MYO16: variants seen among roughly 807,000 people sequenced by gnomAD.
MYO16 encodes the protein unconventional myosin-XVI.
MYO16 carries 94 observed loss-of-function variants against 205.3 expected under a neutral mutation model. That is an observed-to-expected ratio of 0.46 (90% CI 0.39 to 0.54). The LOEUF (loss-of-function observed/expected upper bound fraction) is 0.54. Among genes scored for constraint, MYO16 ranks in the 20% least tolerant of loss-of-function variants. MYO16 has a pLI of 0.00. For synonymous variants in MYO16, 988 were observed against 954.0 expected (o/e 1.04, Z -0.66); for missense variants, 2,315 against 2,387.5 (o/e 0.97, Z 0.63).
the MYO16 span, among the ~76,000 whole-genome samples, chr13:108,543,350 A>T: frequency 1.0e-3 from 153 of 152,350 alleles, 4 homozygotes; most frequent in South Asian, 0.029. Flanking sequence ...TATTTTGGTA[A>T]AAAAGAATCC....
At chr13:108,593,640 G>A (rs368868332), upstream of MYO16, among the ~76,000 whole-genome samples, 4 of 152,306 alleles carry the variant, frequency 2.6e-5, no homozygotes, top group East Asian at 7.7e-4. Flanking sequence ...GACATGAACA[G>A]GTGTGACTAG....
At chr13:108,560,411 A>T in the MYO16 span, among the ~76,000 whole-genome samples, 12 of 152,248 alleles carry the variant, frequency 7.9e-5, no homozygotes, top group Non-Finnish European at 1.3e-4. Context: ...TGTCAAGATA[A>T]AATTTCTGGT....
At chr13:108,929,654 G>A (rs899628406) in intron 16 of MYO16, among the ~76,000 whole-genome samples, 30 of 152,256 alleles carry the variant, frequency 2.0e-4, no homozygotes, top group African/African-American at 7.0e-4. Context: ...CCTAGTGGGT[G>A]GAGTCAAATT....
chr13:109,109,220 C>T (rs898347389), intron 28 of MYO16, among the ~76,000 whole-genome samples: 20 of 152,026 alleles, frequency 1.3e-4, no homozygotes, highest in African/African-American at 3.9e-4. Context: ...TTTAGTCATT[C>T]GATAAGCATT....
intron 21 of MYO16, among the ~76,000 whole-genome samples, chr13:108,995,357 T>C (rs1218568943): frequency 6.6e-6 from 1 of 152,188 alleles, no homozygotes; most frequent in Non-Finnish European, 1.5e-5. Context: ...CCCCACCTTC[T>C]AATCCCATCA....
intron 15 of MYO16, among the ~76,000 whole-genome samples, chr13:108,901,800 A>G (rs1282481463): frequency 3.9e-5 from 6 of 152,184 alleles, no homozygotes; most frequent in Non-Finnish European, 8.8e-5. Flanking sequence ...AGAGTAATAA[A>G]CTGCTATAAA....
chr13:109,086,617 C>T (rs1210068540), intron 27 of MYO16, among the ~76,000 whole-genome samples: 4 of 152,120 alleles, frequency 2.6e-5, no homozygotes, highest in Non-Finnish European at 4.4e-5. Flanking sequence ...TGTCATGCAT[C>T]TTTTCTTATC....
chr13:108,842,792 G>C (rs1454213025), intron 9 of MYO16, among the ~76,000 whole-genome samples: 2 of 152,076 alleles, frequency 1.3e-5, no homozygotes, highest in Non-Finnish European at 2.9e-5. Flanking sequence ...ATCTCAAAGA[G>C]GTATGTACTG....
At chr13:108,519,796 ATGAATCCT>A in the MYO16 span, among the ~76,000 whole-genome samples, 1 of 152,204 alleles carries the variant, frequency 6.6e-6, no homozygotes, top group Admixed American at 6.5e-5. Flanking sequence ...GTACCCGGGA[ATGAATCCT>A]TTATGTCTTG....
chr13:108,866,075 A>G (rs2139124980), intron 11 of MYO16, 102 bp from the exon 12 acceptor site: 1 of 723,124 alleles, frequency 1.4e-6, no homozygotes, highest in Non-Finnish European at 2.0e-6. Flanking sequence ...ATTTTTTCTT[A>G]TTATTTATAT....
chr13:109,087,581 G>A (rs1888474020), intron 27 of MYO16, among the ~76,000 whole-genome samples: 1 of 152,170 alleles, frequency 6.6e-6, no homozygotes, highest in Non-Finnish European at 1.5e-5. Flanking sequence ...AGGAGGTGGA[G>A]GTTGCAGTGA....
chr13:108,539,092 A>T, the MYO16 span, among the ~76,000 whole-genome samples: 2 of 152,082 alleles, frequency 1.3e-5, no homozygotes, highest in East Asian at 3.9e-4. Context: ...TAAAAAATAG[A>T]CTGCCTGAGT....
chr13:109,098,391 G>A (rs916351606), intron 27 of MYO16, among the ~76,000 whole-genome samples: 43 of 152,124 alleles, frequency 2.8e-4, no homozygotes, highest in East Asian at 1.9e-4. Flanking sequence ...TCTGCATCCC[G>A]CCACTTGCAG....
Position 108,640,349 on chromosome 13 carries a change from G to C in MYO16, c.28+10477G>C, listed in dbSNP as rs566865303. 4.6e-4 allele frequency among the ~76,000 whole-genome samples: 70 copies of C among 152,256 alleles called. 2 individuals are homozygous for C. The South Asian group carries it at 0.015, about 32-fold the overall frequency. ...TGAGGAGGCCATTAGTGATGTAGAC[G>C]TAGAGCAGGGCCAGGGGAGAGGAGG... On this transcript the variant is annotated intron_variant, in intron 1 of 34. Transcript: ENST00000457511.
intron 6 of MYO16, among the ~76,000 whole-genome samples, chr13:108,803,488 G>A (rs1410970223): frequency 6.6e-6 from 1 of 152,124 alleles, no homozygotes; most frequent in Non-Finnish European, 1.5e-5. Flanking sequence ...ATATGAAATG[G>A]GCACAGTGTT....
chr13:109,163,517 ACC>A (rs1878494039), intron 32 of MYO16, among the ~76,000 whole-genome samples: 1 of 11,140 alleles, frequency 9.0e-5, no homozygotes, highest in Non-Finnish European at 1.8e-4. Flanking sequence ...CCTCCCTCCC[ACC>A]TCCCTCCTTC....
chr13:108,955,020 C>T (rs976824857), intron 16 of MYO16, among the ~76,000 whole-genome samples: 2 of 152,192 alleles, frequency 1.3e-5, no homozygotes, highest in African/African-American at 4.8e-5. Context: ...AGCTGTGTCC[C>T]TTCTCCGCAG....
At position 108,874,693 on chromosome 13, in the gene MYO16, C is replaced by CATTATT. The variant is rs5806762; in HGVS notation, c.1426-8364_1426-8363insTATTAT. On this transcript the variant is annotated intron_variant, in intron 12 of 34. Transcript: ENST00000457511. ...GCCCAGAGGCAGACAGTTTCATCATCATCATTATTATTATTATTATTATTA... is the reference window on the plus strand; with the variant it reads ...GCCCAGAGGCAGACAGTTTCATCATCATTATTATCATTATTATTATTATTATTATTA... 3.1e-5 allele frequency among the ~76,000 whole-genome samples: 4 copies of CATTATT among 128,794 alleles called. No homozygotes were observed. The East Asian group carries it at 6.5e-4, about 21-fold the overall frequency. The allele number at this position is 128,794 out of a possible 152,430, so 84.5% of individuals were successfully genotyped here. A position where few individuals can be genotyped will look rare whatever the true frequency, so the allele number is the denominator to read the frequency against.
intron 1 of MYO16, among the ~76,000 whole-genome samples, chr13:108,602,732 A>G (rs749492308): frequency 1.3e-5 from 2 of 152,226 alleles, no homozygotes; most frequent in Non-Finnish European, 1.5e-5. Context: ...TTTTCACTCC[A>G]GAAAATAGTT....
Sources: gnomAD v4.1 joint callset for allele counts (sites outside exome capture counted in the v4.1 genomes callset) on GRCh38, gnomAD v4.1.1 for gene constraint, MANE v1.5 for transcripts, NCBI Gene and HGNC (gene_info 2026-07-23, HGNC 2026-07-21) for gene names.